Variants in PCDHA11 observed in about 807,000 individuals in gnomAD.
PCDHA11 encodes the protein protocadherin alpha 11.
PCDHA11 carries 61 observed loss-of-function variants against 70.3 expected under a neutral mutation model. The ratio of observed to expected loss-of-function variants is 0.87; its 90% CI spans 0.71 to 1.07. PCDHA11 has a LOEUF of 1.07. PCDHA11 is among the 50% of genes least tolerant of loss of function. The pLI is 0.00. For missense variants in PCDHA11, 1,324 were observed against 1,237.5 expected (o/e 1.07, Z -1.05); for synonymous variants, 633 against 555.1 (o/e 1.14, Z -1.97).
Position 140,870,333 on chromosome 5 carries a change from C to A in PCDHA11, c.1230C>A (p.Ser410Arg). 6.2e-7 allele frequency: 1 copy of A among 1,614,164 alleles called. No individual in the cohort carries two copies. Among genetic ancestry groups the A allele is most frequent in the Non-Finnish European group, 8.5e-7 (1 of 1,180,024 alleles). The change falls in exon 1 of 4, where the codon AGC becomes AGA. Residue 410 changes from serine (S) to arginine (R), a missense_variant. Physicochemically the swap from Ser to Arg is moderately radical, Grantham distance 110. Transcript: ENST00000398640. ...ATTACTACTCGTTGGTGCTGGACAGCGCCCTGGACCGCGAGAACGTGTGGG... is the reference window on the plus strand; with the variant it reads ...ATTACTACTCGTTGGTGCTGGACAGAGCCCTGGACCGCGAGAACGTGTGGG... The part of the protein sequence containing the change: ...FKNYYSLVLD[S>R]ALDRENVWAY...
At chr5:140,897,381 T>C (rs1258843270) in intron 1 of PCDHA11, among the ~76,000 whole-genome samples, 1 of 136,686 alleles carries the variant, frequency 7.3e-6, no homozygotes, top group Non-Finnish European at 1.5e-5. Flanking sequence ...CCCTTCCCCT[T>C]CCTGTGTCCA....
chr5:140,890,966 T>C (rs2062882231), intron 1 of PCDHA11, among the ~76,000 whole-genome samples: 1 of 152,206 alleles, frequency 6.6e-6, no homozygotes, highest in African/African-American at 2.4e-5. Flanking sequence ...TCAGGTTTTG[T>C]TTTTCTGAAA....
At chr5:140,897,252 A>G (rs1179343621) in intron 1 of PCDHA11, among the ~76,000 whole-genome samples, 3 of 152,018 alleles carry the variant, frequency 2.0e-5, no homozygotes, top group East Asian at 3.9e-4. Flanking sequence ...TTACATATGT[A>G]TACATGTGCC....
chr5:141,010,545 A>G lies in PCDHA11; in HGVS notation c.*608A>G. On this transcript the variant is annotated 3_prime_UTR_variant, in exon 4 of 4. Coordinates refer to ENST00000398640, the MANE Select transcript of PCDHA11 (RefSeq NM_018902.5). ...GGTGGCAGCCACCCTCTAGGAGACAAAACTACCCCCACTGACAAGGCTTTA... is the reference window on the plus strand; with the variant it reads ...GGTGGCAGCCACCCTCTAGGAGACAGAACTACCCCCACTGACAAGGCTTTA... 1 of 343,382 alleles carries G rather than the reference A, an allele frequency of 2.9e-6. No individual in the cohort carries two copies. 21.3% of individuals were successfully genotyped at this position (343,382 alleles called of 1,614,324 possible).
chr5:140,942,669 A>G (rs2093352340), intron 1 of PCDHA11, among the ~76,000 whole-genome samples: 1 of 152,212 alleles, frequency 6.6e-6, no homozygotes, highest in South Asian at 2.1e-4. Flanking sequence ...AATAAGCACA[A>G]AAGTTTTAGG....
chr5:140,965,648 GA>G (rs2095919572), intron 1 of PCDHA11, among the ~76,000 whole-genome samples: 1 of 152,128 alleles, frequency 6.6e-6, no homozygotes, highest in Non-Finnish European at 1.5e-5. Context: ...ACTCTTGAAA[GA>G]AAATGTCTTG....
intron 1 of PCDHA11, among the ~76,000 whole-genome samples, chr5:140,894,265 C>A (rs1328152615): frequency 6.6e-6 from 1 of 151,796 alleles, no homozygotes; most frequent in East Asian, 1.9e-4. Context: ...CAAGTGGTAG[C>A]TTATTTACAA....
chr5:140,914,076 T>C (rs2076593853), intron 1 of PCDHA11, among the ~76,000 whole-genome samples: 1 of 152,218 alleles, frequency 6.6e-6, no homozygotes, highest in Non-Finnish European at 1.5e-5. Context: ...TCCATAACTA[T>C]CTATTAGGTC....
chr5:140,929,480 G>C, intron 1 of PCDHA11: 1 of 1,195,420 alleles, frequency 8.4e-7, no homozygotes, highest in Non-Finnish European at 1.1e-6. Context: ...TGGAAGTATA[G>C]AAGTATTAGA....
chr5:140,973,719 C>T (rs1184460895), intron 1 of PCDHA11, among the ~76,000 whole-genome samples: 8 of 152,228 alleles, frequency 5.3e-5, no homozygotes, highest in African/African-American at 1.7e-4. Flanking sequence ...TGAGCCATCA[C>T]ATGGGCATCT....
chr5:140,992,342 T>C (rs2097506091), intron 3 of PCDHA11, among the ~76,000 whole-genome samples: 1 of 152,102 alleles, frequency 6.6e-6, no homozygotes. Flanking sequence ...AAGATGGAAA[T>C]GTGGAGAGAG....
rs200268029 is a variant in PCDHA11, at chr5:140,871,156, G to A, written c.2053G>A (p.Ala685Thr). ...PKASSRTLAG[A>T]ASPEAALVDV... ...GGCCTCTTCCCGGACTTTGGCGGGCGCCGCGAGCCCAGAGGCTGCGCTGGT... is the reference window on the plus strand; with the variant it reads ...GGCCTCTTCCCGGACTTTGGCGGGCACCGCGAGCCCAGAGGCTGCGCTGGT... Residue 685 changes from alanine to threonine, a missense_variant, in exon 1 of 4, where the codon GCC (alanine) becomes ACC (threonine). Coordinates refer to ENST00000398640, the MANE Select transcript of PCDHA11 (RefSeq NM_018902.5). The A allele has an allele frequency of 4.7e-5, 76 of 1,613,328 alleles. No individual in the cohort carries two copies. The highest frequency in any genetic ancestry group is 3.0e-4 in the Admixed American group (18 of 60,016).
chr5:140,968,632 C>T, intron 1 of PCDHA11: 1 of 1,614,176 alleles, frequency 6.2e-7, no homozygotes, highest in Non-Finnish European at 8.5e-7. Flanking sequence ...GGCTTTTTTA[C>T]CATCTAGCCC....
intron 1 of PCDHA11, among the ~76,000 whole-genome samples, chr5:140,931,584 AAC>A (rs1355868674): frequency 1.3e-5 from 2 of 152,054 alleles, no homozygotes; most frequent in Admixed American, 1.3e-4. Flanking sequence ...CATTCAGTTG[AAC>A]AGTCTTTTTC....
rs1238256859 is a variant in PCDHA11, at chr5:141,010,204, C to T, written c.*267C>T. 6.4e-7 allele frequency: 1 copy of T among 1,551,970 alleles called. No homozygotes were observed. On this transcript the variant is annotated 3_prime_UTR_variant, in exon 4 of 4. Transcript: ENST00000398640. The stretch of plus-strand genomic sequence containing the variant: ...GACCCAAGTTTCCTTTCTCCTCCGC[C>T]GCAAAGGAGAGGCTTCCCAGCCCCG...
chr5:140,921,057 C>G (rs2079994477), intron 1 of PCDHA11, among the ~76,000 whole-genome samples: 1 of 151,924 alleles, frequency 6.6e-6, no homozygotes, highest in African/African-American at 2.4e-5. Flanking sequence ...ATAGCTCACT[C>G]TAACCTTGAA....
chr5:140,966,502 GGCA>G (rs2096011406), intron 1 of PCDHA11: 14 of 433,816 alleles, frequency 3.2e-5, no homozygotes, highest in South Asian at 2.3e-4. Context: ...GAGCTGTAGC[GGCA>G]GCAGCAGCAG....
At chr5:140,875,445 C>A (rs2055496471) in intron 1 of PCDHA11, 1 of 1,582,278 alleles carries the variant, frequency 6.3e-7, no homozygotes, top group Middle Eastern at 1.7e-4. Context: ...AACTGATTGT[C>A]CCAACTCAGA....
At chr5:140,880,095 A>G (rs2058235665) in intron 1 of PCDHA11, among the ~76,000 whole-genome samples, 1 of 152,246 alleles carries the variant, frequency 6.6e-6, no homozygotes, top group South Asian at 2.1e-4. Flanking sequence ...AGTAGGCTTA[A>G]AATCATAGAA....
Sources: allele counts gnomAD v4.1 joint callset (sites outside exome capture counted in the v4.1 genomes callset), GRCh38; gene constraint gnomAD v4.1.1; transcripts MANE v1.5; gene names NCBI Gene and HGNC (gene_info 2026-07-23, HGNC 2026-07-21).